Variants in SLCO2B1 observed in about 807,000 individuals in gnomAD.
The protein encoded by SLCO2B1 is solute carrier organic anion transporter family member 2B1, also known as OATP-RP2.
In SLCO2B1, 41 loss-of-function variants were observed where a neutral mutation model predicts 67.3. The ratio of observed to expected loss-of-function variants is 0.61; its 90% CI spans 0.47 to 0.79. SLCO2B1 has a LOEUF of 0.79. Among genes scored for constraint, SLCO2B1 ranks in the 30% least tolerant of loss-of-function variants. The pLI is 0.00. For missense variants in SLCO2B1, 837 were observed against 920.1 expected, an observed-to-expected ratio of 0.91 and a Z score of 1.17; for synonymous variants, 379 against 381.4, an observed-to-expected ratio of 0.99 and a Z score of 0.07.
chr11:75,164,228 C>G, intron 3 of SLCO2B1, 128 bp downstream of exon 3: 1 of 998,064 alleles, frequency 1.0e-6, no homozygotes, highest in Non-Finnish European at 1.4e-6. Context: ...AACCCCTGTC[C>G]CAGCGCCTGC....
chr11:75,172,616 C>T (rs767174628), intron 7 of SLCO2B1, 47 bp downstream of exon 7: 232 of 1,510,318 alleles, frequency 1.5e-4, no homozygotes, highest in Middle Eastern at 3.5e-4. Flanking sequence ...TCCAGCACCA[C>T]CCACTTGTTC....
intron 7 of SLCO2B1, among the ~76,000 whole-genome samples, chr11:75,175,553 G>A (rs746417291): frequency 3.9e-5 from 6 of 152,002 alleles, no homozygotes; most frequent in African/African-American, 1.2e-4. Context: ...AAAGGTATCC[G>A]GGAGATTGGC....
intron 1 of SLCO2B1, among the ~76,000 whole-genome samples, chr11:75,153,591 A>G (rs1302816087): frequency 6.6e-6 from 1 of 152,030 alleles, no homozygotes; most frequent in Admixed American, 6.5e-5. Context: ...CTTCCCTTCC[A>G]CCAATCCCAC....
intron 3 of SLCO2B1, among the ~76,000 whole-genome samples, chr11:75,165,430 C>CAA (rs56318055): frequency 1.3e-4 from 17 of 127,132 alleles, no homozygotes; most frequent in African/African-American, 3.6e-4. Context: ...AATTCCGTCT[C>CAA]AAAAAAAAAA....
At chr11:75,189,357 T>G (rs1944984336) in intron 8 of SLCO2B1, among the ~76,000 whole-genome samples, 2 of 152,228 alleles carry the variant, frequency 1.3e-5, no homozygotes, top group Non-Finnish European at 2.9e-5. Context: ...TTTCCTCATC[T>G]GGAAGATTGG....
intron 1 of SLCO2B1, among the ~76,000 whole-genome samples, 199 bp downstream of exon 1, chr11:75,151,596 C>T (rs552624140): frequency 6.6e-6 from 1 of 152,196 alleles, no homozygotes; most frequent in African/African-American, 2.4e-5. Flanking sequence ...GGAAGGGACA[C>T]GATTTACTCA....
chr11:75,185,991 T>C (rs928902732), intron 7 of SLCO2B1, among the ~76,000 whole-genome samples: 3 of 152,172 alleles, frequency 2.0e-5, no homozygotes, highest in African/African-American at 7.2e-5. Flanking sequence ...ACATGATCAA[T>C]CTGTTCCCTT....
At chr11:75,201,766 C>G (rs1428152074) in intron 11 of SLCO2B1, 1 of 152,192 alleles carries the variant, frequency 6.6e-6, no homozygotes, top group African/African-American at 2.4e-5. Flanking sequence ...GCTTTCATGC[C>G]CTCCCTGGCT....
intron 7 of SLCO2B1, among the ~76,000 whole-genome samples, chr11:75,181,596 G>A (rs1034360558): frequency 1.3e-5 from 2 of 152,130 alleles, no homozygotes; most frequent in African/African-American, 4.8e-5. Flanking sequence ...AGGGACCCTA[G>A]CCCCTGGACA....
intron 9 of SLCO2B1, 55 bp from the exon 10 acceptor site, chr11:75,196,459 T>C: frequency 1.9e-6 from 3 of 1,560,292 alleles, no homozygotes; most frequent in Non-Finnish European, 2.6e-6. Context: ...ATGCCCCAGC[T>C]AGTGGCCTAA....
intron 7 of SLCO2B1, among the ~76,000 whole-genome samples, chr11:75,174,962 C>G (rs1206175425): frequency 6.6e-6 from 1 of 152,180 alleles, no homozygotes; most frequent in Non-Finnish European, 1.5e-5. Context: ...GGAGCAATAT[C>G]CTGTGCGCCT....
rs998397411 is a variant in SLCO2B1 at position 75,162,742 on chromosome 11, C to T, written c.104C>T (p.Pro35Leu). 1 of 1,614,092 alleles carries T rather than the reference C, an allele frequency of 6.2e-7. No individual in the cohort carries two copies. Among genetic ancestry groups the T allele is most frequent in the Non-Finnish European group, 8.5e-7 (1 of 1,179,986 alleles). Residue 35 changes from proline (P) to leucine (L), a missense_variant, in exon 2 of 14, where the codon CCA (proline) becomes CTA (leucine). Coordinates refer to ENST00000289575, the MANE Select transcript of SLCO2B1 (RefSeq NM_007256.5). Reference protein sequence around the residue: ...TENTPGGKASPDPQDVRPSVF... With the variant: ...TENTPGGKASLDPQDVRPSVF... ...AACACACCTGGAGGCAAAGCCAGCC[C>T]AGACCCTCAGGACGTGCGGCCAAGT...
At position 75,162,758 on chromosome 11, in the gene SLCO2B1, G is replaced by A; in HGVS notation, c.120G>A (p.Val40=). 1.2e-6 allele frequency: 2 copies of A among 1,614,012 alleles called. No individual in the cohort carries two copies. Among genetic ancestry groups the A allele is most frequent in the East Asian group, 4.5e-5 (2 of 44,870 alleles). The change falls in exon 2 of 14, where the codon GTG becomes GTA. Residue 40 remains valine (V), a synonymous_variant. Transcript: ENST00000289575. The part of the protein sequence containing the change: ...GGKASPDPQD[V]RPSVFHNIKL... ...AAGCCAGCCCAGACCCTCAGGACGT[G>A]CGGCCAAGTGTGTTCCATAACATCA...
intron 9 of SLCO2B1, among the ~76,000 whole-genome samples, chr11:75,194,117 G>T (rs1167173972): frequency 6.6e-6 from 1 of 152,164 alleles, no homozygotes; most frequent in African/African-American, 2.4e-5. Flanking sequence ...TTTAGAGCTT[G>T]GGAGCTAAAA....
chr11:75,173,416 G>C lies in SLCO2B1; in HGVS notation c.972+847G>C, dbSNP rs78678069. 3.3e-3 allele frequency among the ~76,000 whole-genome samples: 508 copies of C among 152,336 alleles called. 3 individuals are homozygous for C. Among genetic ancestry groups the C allele is most frequent in the African/African-American group, 0.012 (492 of 41,574 alleles). On this transcript the variant is annotated intron_variant, in intron 7 of 13. Transcript: ENST00000289575. ...GCCCTTTCGGGGACAGTGAAGGGAA[G>C]AAACATGCATGGAGTGCAGGCCCCA...
At chr11:75,195,178 C>T (rs1163817445) in intron 9 of SLCO2B1, among the ~76,000 whole-genome samples, 1 of 152,326 alleles carries the variant, frequency 6.6e-6, no homozygotes, top group East Asian at 1.9e-4. Context: ...GGACTCTCCC[C>T]ACAGAAGCAA....
At chr11:75,185,310 A>G (rs1950135902) in intron 7 of SLCO2B1, among the ~76,000 whole-genome samples, 1 of 152,174 alleles carries the variant, frequency 6.6e-6, no homozygotes, top group Non-Finnish European at 1.5e-5. Context: ...CACAGGCAAC[A>G]TGGGAAGAGG....
intron 1 of SLCO2B1, among the ~76,000 whole-genome samples, chr11:75,155,391 A>C (rs1034313306): frequency 3.9e-5 from 6 of 152,084 alleles, no homozygotes; most frequent in African/African-American, 1.4e-4. Context: ...ACACCACCGC[A>C]GTCCCCACCC....
chr11:75,164,889 C>A (rs1949868591), intron 3 of SLCO2B1, among the ~76,000 whole-genome samples: 2 of 152,248 alleles, frequency 1.3e-5, no homozygotes, highest in Admixed American at 6.5e-5. Context: ...GGCCTCAGGG[C>A]CCTATCTATG....
Sources: allele counts gnomAD v4.1 joint callset (sites outside exome capture counted in the v4.1 genomes callset), GRCh38; gene constraint gnomAD v4.1.1; transcripts MANE v1.5; gene names NCBI Gene and HGNC (gene_info 2026-07-23, HGNC 2026-07-21).